LRIG1: variants seen among roughly 807,000 people sequenced by gnomAD.
LRIG1 encodes leucine-rich repeats and immunoglobulin-like domains protein 1.
LRIG1 carries 48 observed loss-of-function variants against 99.2 expected under a neutral mutation model. The ratio of observed to expected loss-of-function variants is 0.48; its 90% CI spans 0.38 to 0.62. LRIG1 has a LOEUF of 0.62. Among genes scored for constraint, LRIG1 ranks in the 20% least tolerant of loss-of-function variants. LRIG1 has a pLI of 0.00. For synonymous variants in LRIG1, 772 were observed against 596.1 expected (o/e 1.29, Z -4.30); for missense variants, 1,646 against 1,434.4 (o/e 1.15, Z -2.38).
chr3:66,405,280 T>C lies in LRIG1; in HGVS notation c.1080-2A>G. 6.2e-7 allele frequency: 1 copy of C among 1,613,060 alleles called. No individual in the cohort carries two copies. Among genetic ancestry groups the C allele is most frequent in the Non-Finnish European group, 8.5e-7 (1 of 1,179,060 alleles). On this transcript the variant is annotated splice_acceptor_variant, in intron 8 of 18. Coordinates refer to ENST00000273261, the MANE Select transcript of LRIG1 (RefSeq NM_015541.3). LOFTEE classifies it high-confidence loss of function. ...GAAATCTCGTTATGGTCCAGATCCCTGGGGAGAGGACAGAAAGCAGCTCAC... is the reference window on the plus strand; with the variant it reads ...GAAATCTCGTTATGGTCCAGATCCCCGGGGAGAGGACAGAAAGCAGCTCAC...
chr3:66,499,575 C>T (rs541345649), intron 1 of LRIG1, among the ~76,000 whole-genome samples: 2 of 152,308 alleles, frequency 1.3e-5, no homozygotes, highest in East Asian at 3.9e-4. Flanking sequence ...ACTCAGGGGT[C>T]CTCGGGGGAA....
At chr3:66,474,222 T>A (rs547436904) in intron 1 of LRIG1, among the ~76,000 whole-genome samples, 1 of 152,190 alleles carries the variant, frequency 6.6e-6, no homozygotes, top group Non-Finnish European at 1.5e-5. Flanking sequence ...AATTTTACTA[T>A]GTCAAATGGA....
rs1356803515 is a variant in LRIG1 at position 66,415,055 on chromosome 3, G to A, written c.512C>T (p.Ala171Val). The A allele has an allele frequency of 6.3e-7, 1 of 1,597,166 alleles. No individual in the cohort carries two copies. The highest frequency in any genetic ancestry group is 1.1e-5 in the South Asian group (1 of 88,190). The change falls in exon 5 of 19, where the codon GCA (alanine) becomes GTA (valine). Residue 171 changes from alanine to valine, a missense_variant. Ala to Val is a moderately conservative substitution (Grantham distance 64, BLOSUM62 0). Transcript: ENST00000273261. ...CTCCAGGGTGCCAATCCGATTGCCTGCCAGGTTGCTGGAATGATTCAGAAA... is the reference window on the plus strand; with the variant it reads ...CTCCAGGGTGCCAATCCGATTGCCTACCAGGTTGCTGGAATGATTCAGAAA... ...HGPPIKELNLAGNRIGTLELG... is the reference protein window; with the variant it reads ...HGPPIKELNLVGNRIGTLELG...
intron 3 of LRIG1, among the ~76,000 whole-genome samples, chr3:66,423,724 T>C (rs1306621599): frequency 6.6e-6 from 1 of 152,238 alleles, no homozygotes; most frequent in African/African-American, 2.4e-5. Context: ...GGCACAGCAC[T>C]GTGGAACAAT....
At position 66,380,784 on chromosome 3, in the gene LRIG1, G is replaced by C; in HGVS notation, c.2848C>G (p.Gln950Glu). 2 of 1,614,182 alleles carry C rather than the reference G, an allele frequency of 1.2e-6. No individual in the cohort carries two copies. Among genetic ancestry groups the C allele is most frequent in the African/African-American group, 1.3e-5 (1 of 75,062 alleles). The change falls in exon 18 of 19, where the codon CAG (glutamine) becomes GAG (glutamate). Residue 950 changes from glutamine to glutamate, a missense_variant. Gln to Glu is a conservative substitution (Grantham distance 29, BLOSUM62 2). Transcript: ENST00000273261. ...CYSRGQAFHP[Q>E]PVSRDSAQPS... Reference sequence around the variant, plus strand: ...TGTGCGCTGTCTCTGGACACAGGCTGGGGGTGGAAGGCTTGTCCCCTGGAG... The same window carrying C: ...TGTGCGCTGTCTCTGGACACAGGCTCGGGGTGGAAGGCTTGTCCCCTGGAG...
intron 13 of LRIG1, 30 bp downstream of exon 13, chr3:66,385,951 G>T (rs1356088446): frequency 3.8e-6 from 6 of 1,586,362 alleles, no homozygotes; most frequent in South Asian, 1.1e-5. Flanking sequence ...GTAGGATTCT[G>T]GTACTATAAC....
intron 14 of LRIG1, 72 bp downstream of exon 14, chr3:66,383,919 C>A (rs1272569720): frequency 6.4e-7 from 1 of 1,553,952 alleles, no homozygotes; most frequent in East Asian, 2.3e-5. Context: ...CCTGGCCACA[C>A]AGAGCATTTG....
At chr3:66,464,238 A>G (rs1004452276) in intron 1 of LRIG1, among the ~76,000 whole-genome samples, 4 of 152,222 alleles carry the variant, frequency 2.6e-5, no homozygotes, top group African/African-American at 9.6e-5. Flanking sequence ...TTGTATCATC[A>G]TAGGTAACAG....
intron 3 of LRIG1, among the ~76,000 whole-genome samples, chr3:66,433,895 T>C (rs1703258309): frequency 6.6e-6 from 1 of 152,258 alleles, no homozygotes; most frequent in Non-Finnish European, 1.5e-5. Flanking sequence ...CTGTTTCTTT[T>C]GTGGAACCAC....
intron 4 of LRIG1, among the ~76,000 whole-genome samples, chr3:66,416,095 C>A (rs1702607652): frequency 6.6e-6 from 1 of 152,120 alleles, no homozygotes; most frequent in South Asian, 2.1e-4. Flanking sequence ...CCAATAGCTG[C>A]CAAAATAGAA....
At chr3:66,447,865 G>C (rs1479149548) in intron 3 of LRIG1, among the ~76,000 whole-genome samples, 1 of 152,150 alleles carries the variant, frequency 6.6e-6, no homozygotes, top group Non-Finnish European at 1.5e-5. Context: ...TGTGGGAATC[G>C]TAACTTGAGT....
At chr3:66,422,287 G>T (rs577639021) in intron 3 of LRIG1, among the ~76,000 whole-genome samples, 1 of 152,160 alleles carries the variant, frequency 6.6e-6, no homozygotes, top group South Asian at 2.1e-4. Flanking sequence ...CTATTGCATT[G>T]TCAGGCTGCA....
chr3:66,492,946 C>T (rs979879152), intron 1 of LRIG1, among the ~76,000 whole-genome samples: 3 of 152,188 alleles, frequency 2.0e-5, no homozygotes, highest in African/African-American at 7.2e-5. Flanking sequence ...CAGGTGGCAT[C>T]CTTGCCAGAT....
intron 1 of LRIG1, among the ~76,000 whole-genome samples, chr3:66,464,809 G>C (rs1270923849): frequency 1.3e-5 from 2 of 152,094 alleles, no homozygotes; most frequent in African/African-American, 4.8e-5. Context: ...CAACACCCTT[G>C]GGTTTGTCTT....
chr3:66,492,439 A>T (rs2280575), intron 1 of LRIG1, among the ~76,000 whole-genome samples: 1 of 152,036 alleles, frequency 6.6e-6, no homozygotes, highest in African/African-American at 2.4e-5. Flanking sequence ...CAGCTAAAAA[A>T]AAGAAGAAAA....
intron 2 of LRIG1, among the ~76,000 whole-genome samples, chr3:66,459,226 C>T (rs1700301146): frequency 6.6e-6 from 1 of 152,096 alleles, no homozygotes; most frequent in Non-Finnish European, 1.5e-5. Flanking sequence ...TAAACTCTAA[C>T]AAGTGCTGAG....
chr3:66,427,586 G>A (rs1053664195), intron 3 of LRIG1, among the ~76,000 whole-genome samples: 5 of 152,174 alleles, frequency 3.3e-5, no homozygotes, highest in East Asian at 1.9e-4. Flanking sequence ...GACTGCTTGC[G>A]GCCAGGAGTT....
chr3:66,452,036 G>A (rs1703921541), intron 2 of LRIG1, among the ~76,000 whole-genome samples: 1 of 152,192 alleles, frequency 6.6e-6, no homozygotes, highest in Non-Finnish European at 1.5e-5. Flanking sequence ...TGTGGAACAA[G>A]AGCCAGAGAC....
intron 1 of LRIG1, among the ~76,000 whole-genome samples, chr3:66,464,663 G>A (rs536622874): frequency 8.5e-5 from 13 of 152,284 alleles, no homozygotes; most frequent in African/African-American, 3.1e-4. Context: ...CCTGGATAGA[G>A]CTAGGGCTCA....
Sources: gnomAD v4.1 joint callset for allele counts (sites outside exome capture counted in the v4.1 genomes callset) on GRCh38, gnomAD v4.1.1 for gene constraint, MANE v1.5 for transcripts, NCBI Gene and HGNC (gene_info 2026-07-23, HGNC 2026-07-21) for gene names.